SUPT3H: variants seen among roughly 807,000 people sequenced by gnomAD.
SUPT3H encodes the protein transcription initiation protein SPT3 homolog.
In SUPT3H, 44 loss-of-function variants were observed where a neutral mutation model predicts 44.3. That is an observed-to-expected ratio of 0.99 (90% CI 0.78 to 1.28). The LOEUF (loss-of-function observed/expected upper bound fraction) is 1.28, where lower values mean the gene tolerates loss of function less well. Ranked by LOEUF, SUPT3H falls within the 50% of genes most tolerant of loss-of-function variation. The probability of loss-of-function intolerance (pLI) is 0.00; values close to 1 mark genes in which losing one functional copy is unlikely to be tolerated. For missense variants in SUPT3H, 380 were observed against 387.1 expected (o/e 0.98, Z 0.15); for synonymous variants, 124 against 125.6 (o/e 0.99, Z 0.09).
intron 2 of SUPT3H, among the ~76,000 whole-genome samples, chr6:45,118,866 A>C (rs1452463249): frequency 6.6e-6 from 1 of 152,184 alleles, no homozygotes; most frequent in Non-Finnish European, 1.5e-5. Flanking sequence ...ATGGGATATT[A>C]TTAGCAGCAG....
At chr6:45,238,408 G>C (rs1769612560) in intron 2 of SUPT3H, among the ~76,000 whole-genome samples, 1 of 152,156 alleles carries the variant, frequency 6.6e-6, no homozygotes, top group African/African-American at 2.4e-5. Flanking sequence ...ACATTAATTG[G>C]ATATGACCTG....
intron 2 of SUPT3H, among the ~76,000 whole-genome samples, chr6:45,130,978 A>G (rs1803384921): frequency 6.6e-6 from 1 of 151,982 alleles, no homozygotes; most frequent in South Asian, 2.1e-4. Flanking sequence ...CGGTCTCCCA[A>G]AGTGCTGGGA....
intron 2 of SUPT3H, among the ~76,000 whole-genome samples, chr6:45,179,638 T>C (rs963431621): frequency 6.6e-6 from 1 of 152,166 alleles, no homozygotes; most frequent in South Asian, 2.1e-4. Context: ...CACATGATTA[T>C]CTCAATAGAT....
intron 2 of SUPT3H, among the ~76,000 whole-genome samples, chr6:45,184,775 GAA>G (rs55652227): frequency 1.6e-4 from 20 of 128,574 alleles, no homozygotes; most frequent in Admixed American, 1.1e-3. Context: ...ACAGGCAGAG[GAA>G]AAAAAAAAAA....
chr6:45,173,923 C>CA (rs1193099657), intron 2 of SUPT3H, among the ~76,000 whole-genome samples: 2 of 152,204 alleles, frequency 1.3e-5, no homozygotes, highest in South Asian at 2.1e-4. Context: ...TTGTTCTACT[C>CA]ACACCACTGC....
intron 2 of SUPT3H, among the ~76,000 whole-genome samples, chr6:45,312,461 G>C (rs1411855192): frequency 2.0e-5 from 3 of 149,028 alleles, no homozygotes; most frequent in African/African-American, 7.5e-5. Flanking sequence ...CTTGCAGTGA[G>C]CCGAGATCGT....
At chr6:44,895,080 A>G (rs1304216129) in intron 10 of SUPT3H, among the ~76,000 whole-genome samples, 2 of 152,012 alleles carry the variant, frequency 1.3e-5, no homozygotes, top group Non-Finnish European at 1.5e-5. Context: ...TTTCTTTAAC[A>G]TTTATTTTTT....
At chr6:45,039,348 T>C (rs534352612) in intron 3 of SUPT3H, among the ~76,000 whole-genome samples, 28 of 152,264 alleles carry the variant, frequency 1.8e-4, no homozygotes, top group Admixed American at 1.8e-3. Context: ...GTGGTACGTG[T>C]GATAGGCTTT....
intron 9 of SUPT3H, among the ~76,000 whole-genome samples, chr6:44,949,498 C>T (rs1456656662): frequency 6.6e-6 from 1 of 151,548 alleles, no homozygotes; most frequent in East Asian, 1.9e-4. Flanking sequence ...TAAAATTTCT[C>T]AGCTAACAAA....
chr6:45,065,683 T>A (rs1793157331), intron 3 of SUPT3H, among the ~76,000 whole-genome samples: 1 of 151,014 alleles, frequency 6.6e-6, no homozygotes, highest in African/African-American at 2.4e-5. Context: ...TACAAACACC[T>A]CTACGCAAAT....
rs186295046 is a variant in SUPT3H, at chr6:45,037,151, T to A, written c.187-16519A>T. Among the ~76,000 whole-genome samples the A allele has an allele frequency of 3.2e-3, 493 of 152,176 alleles. 1 individual carries two copies. The highest frequency in any genetic ancestry group is 0.011 in the African/African-American group (468 of 41,522). ...ATAAGAAAATGCAAATATAGTACCATACACAATTCAGCTATGAATTCAGGT... is the reference window on the plus strand; with the variant it reads ...ATAAGAAAATGCAAATATAGTACCAAACACAATTCAGCTATGAATTCAGGT... On this transcript the variant is annotated intron_variant, in intron 3 of 10. Transcript: ENST00000371459.
chr6:44,937,440 G>A (rs777422613), intron 9 of SUPT3H, among the ~76,000 whole-genome samples: 3 of 151,802 alleles, frequency 2.0e-5, no homozygotes, highest in Admixed American at 6.6e-5. Context: ...GTTGCAGTGA[G>A]CCCAGATCAC....
chr6:45,242,017 C>T (rs2153647079), intron 2 of SUPT3H, among the ~76,000 whole-genome samples: 1 of 152,258 alleles, frequency 6.6e-6, no homozygotes, highest in South Asian at 2.1e-4. Flanking sequence ...TTACATTATT[C>T]CAACAGTATT....
chr6:45,307,117 C>G (rs998253280), intron 2 of SUPT3H, among the ~76,000 whole-genome samples: 4 of 152,218 alleles, frequency 2.6e-5, no homozygotes, highest in African/African-American at 9.6e-5. Context: ...ACAAAGCCAC[C>G]AGGAAGCTCG....
chr6:45,276,049 T>A (rs1378266056), intron 2 of SUPT3H, among the ~76,000 whole-genome samples: 1 of 152,030 alleles, frequency 6.6e-6, no homozygotes, highest in Non-Finnish European at 1.5e-5. Context: ...GTATATTATT[T>A]TCCCCCAGAA....
chr6:45,009,931 G>T (rs1783239791), intron 5 of SUPT3H, among the ~76,000 whole-genome samples: 1 of 152,116 alleles, frequency 6.6e-6, no homozygotes, highest in Admixed American at 6.6e-5. Context: ...GGCCAAGTTG[G>T]AGAGTATTAA....
At chr6:45,175,645 A>AT (rs1205250745) in intron 2 of SUPT3H, among the ~76,000 whole-genome samples, 2 of 152,146 alleles carry the variant, frequency 1.3e-5, no homozygotes, top group African/African-American at 2.4e-5. Context: ...AAACTAACAG[A>AT]TTTTGAAGGC....
intron 9 of SUPT3H, among the ~76,000 whole-genome samples, chr6:44,943,679 T>C (rs768879687): frequency 6.6e-6 from 1 of 151,996 alleles, no homozygotes; most frequent in Non-Finnish European, 1.5e-5. Flanking sequence ...AGGGAAACGA[T>C]AATAGAAACC....
At chr6:44,877,073 A>G (rs537295950) in intron 10 of SUPT3H, among the ~76,000 whole-genome samples, 1 of 152,290 alleles carries the variant, frequency 6.6e-6, no homozygotes, top group East Asian at 1.9e-4. Flanking sequence ...ATCTTATCCT[A>G]TGTCAAATAA....
Sources: allele counts gnomAD v4.1 joint callset (sites outside exome capture counted in the v4.1 genomes callset), GRCh38; gene constraint gnomAD v4.1.1; transcripts MANE v1.5; gene names NCBI Gene and HGNC (gene_info 2026-07-23, HGNC 2026-07-21).